ZNF804B: variants seen among roughly 807,000 people sequenced by gnomAD.
The protein encoded by ZNF804B is zinc finger protein 804B.
A neutral mutation model predicts 101.4 loss-of-function variants in ZNF804B; 80 were observed. The ratio of observed to expected loss-of-function variants is 0.79; its 90% CI spans 0.66 to 0.95. ZNF804B has a LOEUF of 0.95. ZNF804B is among the 40% of genes least tolerant of loss of function. ZNF804B has a pLI of 0.00. For missense variants in ZNF804B, 1,673 were observed against 1,561.9 expected (o/e 1.07, Z -1.20); for synonymous variants, 622 against 558.8 (o/e 1.11, Z -1.59).
At chr7:89,184,884 A>G (rs768014394) in intron 1 of ZNF804B, among the ~76,000 whole-genome samples, 10 of 152,128 alleles carry the variant, frequency 6.6e-5, no homozygotes, top group Admixed American at 6.6e-4. Context: ...ACTAGACAGA[A>G]TATTTGACTG....
intron 2 of ZNF804B, among the ~76,000 whole-genome samples, chr7:89,317,295 T>TA (rs1790747997): frequency 6.6e-6 from 1 of 152,220 alleles, no homozygotes; most frequent in Non-Finnish European, 1.5e-5. Flanking sequence ...AGTCATCTGT[T>TA]ACTAAGTGAA....
At chr7:88,902,971 T>C (rs1584007075) in intron 1 of ZNF804B, among the ~76,000 whole-genome samples, 2 of 152,114 alleles carry the variant, frequency 1.3e-5, no homozygotes, top group Admixed American at 1.3e-4. Flanking sequence ...ATTTTACATA[T>C]GGGAGTACGT....
intron 2 of ZNF804B, among the ~76,000 whole-genome samples, chr7:89,232,955 T>A (rs1789218892): frequency 6.6e-6 from 1 of 152,196 alleles, no homozygotes; most frequent in Non-Finnish European, 1.5e-5. Flanking sequence ...GGAGTCTCGC[T>A]CTGTCGCCCA....
At chr7:88,912,726 C>G (rs192334199) in intron 1 of ZNF804B, among the ~76,000 whole-genome samples, 1 of 152,026 alleles carries the variant, frequency 6.6e-6, no homozygotes, top group African/African-American at 2.4e-5. Context: ...CTTCTCAATA[C>G]GTTTGTAAGT....
intron 1 of ZNF804B, among the ~76,000 whole-genome samples, chr7:88,836,669 A>G (rs569414837): frequency 1.0e-3 from 157 of 152,014 alleles, no homozygotes; most frequent in Non-Finnish European, 1.9e-3. Context: ...TCAACATTCT[A>G]CTGAATACTT....
chr7:88,787,402 T>C (rs976250394), intron 1 of ZNF804B, among the ~76,000 whole-genome samples: 2 of 152,110 alleles, frequency 1.3e-5, no homozygotes, highest in Admixed American at 1.3e-4. Flanking sequence ...TGAGTAAGTG[T>C]TTATGCACAC....
intron 1 of ZNF804B, among the ~76,000 whole-genome samples, chr7:88,801,702 TAAA>T (rs1311616923): frequency 6.6e-6 from 1 of 151,946 alleles, no homozygotes; most frequent in Non-Finnish European, 1.5e-5. Context: ...GAAAAAATTT[TAAA>T]AAAGAAACAA....
intron 1 of ZNF804B, among the ~76,000 whole-genome samples, chr7:89,131,474 C>T (rs910671790): frequency 3.3e-5 from 5 of 151,842 alleles, no homozygotes; most frequent in East Asian, 1.9e-4. Flanking sequence ...TAACATGGAC[C>T]GATGTTGGTT....
chr7:89,132,088 G>C (rs1015272326), intron 1 of ZNF804B, among the ~76,000 whole-genome samples: 1 of 151,208 alleles, frequency 6.6e-6, no homozygotes, highest in African/African-American at 2.4e-5. Context: ...TTCATGGGAA[G>C]GATAAGGAAG....
At chr7:89,224,182 A>G (rs1789045937) in intron 2 of ZNF804B, among the ~76,000 whole-genome samples, 1 of 152,006 alleles carries the variant, frequency 6.6e-6, no homozygotes, top group Non-Finnish European at 1.5e-5. Flanking sequence ...CCCATAAAAA[A>G]TATCTTTAAT....
chr7:89,192,739 T>C (rs534800193), intron 1 of ZNF804B, among the ~76,000 whole-genome samples: 7 of 152,090 alleles, frequency 4.6e-5, no homozygotes, highest in African/African-American at 1.7e-4. Flanking sequence ...TGAATATCAA[T>C]GCAAACATCC....
At chr7:88,872,635 A>G (rs564144165) in intron 1 of ZNF804B, among the ~76,000 whole-genome samples, 4 of 151,238 alleles carry the variant, frequency 2.6e-5, no homozygotes, top group Non-Finnish European at 5.9e-5. Flanking sequence ...CCACCCCACA[A>G]CAGTACCCAG....
chr7:89,240,320 G>C (rs1341566262), intron 2 of ZNF804B, among the ~76,000 whole-genome samples: 1 of 152,058 alleles, frequency 6.6e-6, no homozygotes, highest in Non-Finnish European at 1.5e-5. Context: ...TACTGCAATA[G>C]AAAGGCTATG....
At chr7:88,808,672 T>G (rs1384257422) in intron 1 of ZNF804B, among the ~76,000 whole-genome samples, 1 of 152,130 alleles carries the variant, frequency 6.6e-6, no homozygotes, top group Non-Finnish European at 1.5e-5. Flanking sequence ...TAAAATACAA[T>G]GAAATTTTGG....
intron 1 of ZNF804B, among the ~76,000 whole-genome samples, chr7:88,950,431 A>G (rs1215230819): frequency 1.3e-5 from 2 of 151,816 alleles, no homozygotes; most frequent in Non-Finnish European, 2.9e-5. Flanking sequence ...ATTATTTACT[A>G]TCTCATTCTT....
chr7:89,210,883 T>C (rs770796006), intron 1 of ZNF804B, among the ~76,000 whole-genome samples: 2 of 152,226 alleles, frequency 1.3e-5, no homozygotes, highest in African/African-American at 2.4e-5. Context: ...CTGGATCAAA[T>C]GGTATTTCTA....
chr7:88,871,019 T>C (rs978643953), intron 1 of ZNF804B, among the ~76,000 whole-genome samples: 2 of 152,136 alleles, frequency 1.3e-5, no homozygotes, highest in African/African-American at 4.8e-5. Context: ...AAGTTCTAGA[T>C]TTCAAAAAAT....
intron 1 of ZNF804B, among the ~76,000 whole-genome samples, chr7:89,050,912 A>G (rs1470325015): frequency 6.6e-6 from 1 of 151,952 alleles, no homozygotes; most frequent in Non-Finnish European, 1.5e-5. Context: ...AATGGATATA[A>G]CTCATTATCA....
In ZNF804B at chr7:89,010,177, GA is replaced by G. The variant is rs1788434197; in HGVS notation, c.109-207976del. 3.9e-5 allele frequency among the ~76,000 whole-genome samples: 6 copies of G among 152,024 alleles called. No homozygotes were observed. In the South Asian group the frequency reaches 1.2e-3, roughly 32 times the overall value. ...GATAATAATACTAATAATACATTGC[GA>G]AGCCTTACCTTTTTCAAGTGACATT... On this transcript the variant is annotated intron_variant, in intron 1 of 3. Transcript: ENST00000333190.
Sources: allele counts gnomAD v4.1 joint callset (sites outside exome capture counted in the v4.1 genomes callset), GRCh38; gene constraint gnomAD v4.1.1; transcripts MANE v1.5; gene names NCBI Gene and HGNC (gene_info 2026-07-23, HGNC 2026-07-21).